MACROD2: variants seen among roughly 807,000 people sequenced by gnomAD.
MACROD2 encodes the protein mono-ADP ribosylhydrolase 2, also known as ADP-ribose glycohydrolase MACROD2.
A neutral mutation model predicts 70.4 loss-of-function variants in MACROD2; 36 were observed. The ratio of observed to expected loss-of-function variants is 0.51; its 90% CI spans 0.39 to 0.68. The LOEUF (loss-of-function observed/expected upper bound fraction) is 0.68, where lower values mean the gene tolerates loss of function less well. Ranked by LOEUF, MACROD2 falls within the 30% of genes least tolerant of loss-of-function variation. The pLI is 0.00. For missense variants in MACROD2, 496 were observed against 538.4 expected (o/e 0.92, Z 0.78); for synonymous variants, 172 against 178.8 (o/e 0.96, Z 0.30).
At chr20:14,126,779 T>C (rs182695851) in intron 3 of MACROD2, among the ~76,000 whole-genome samples, 1 of 152,330 alleles carries the variant, frequency 6.6e-6, no homozygotes, top group African/African-American at 2.4e-5. Flanking sequence ...CCATTGTAAC[T>C]GTTTTGGGGT....
chr20:14,857,135 C>T (rs2073263218), intron 5 of MACROD2, among the ~76,000 whole-genome samples: 1 of 152,182 alleles, frequency 6.6e-6, no homozygotes, highest in African/African-American at 2.4e-5. Flanking sequence ...GCTCCCCAAT[C>T]CCATAAACCG....
chr20:15,507,149 G>T (rs1318133616), intron 8 of MACROD2, among the ~76,000 whole-genome samples: 2 of 152,126 alleles, frequency 1.3e-5, no homozygotes, highest in Non-Finnish European at 2.9e-5. Context: ...TTGCAGATAC[G>T]CTGTGTCGCT....
At chr20:14,714,330 G>C (rs8117889) in intron 5 of MACROD2, among the ~76,000 whole-genome samples, 46,537 of 151,746 alleles carry the variant, frequency 0.31, 7,643 homozygotes, top group African/African-American at 0.4. Flanking sequence ...CCACCCACTG[G>C]CGCTCAGACT....
intron 3 of MACROD2, among the ~76,000 whole-genome samples, chr20:14,207,443 G>A (rs2081534123): frequency 6.6e-6 from 1 of 152,174 alleles, no homozygotes; most frequent in Non-Finnish European, 1.5e-5. Flanking sequence ...TAAAAGGAAA[G>A]TGACATACCA....
intron 6 of MACROD2, among the ~76,000 whole-genome samples, chr20:15,387,033 A>C (rs931276701): frequency 2.6e-5 from 4 of 152,160 alleles, no homozygotes. Flanking sequence ...GTGAGATAAG[A>C]GCAAACCAGC....
intron 5 of MACROD2, among the ~76,000 whole-genome samples, chr20:14,826,272 G>T (rs1373155319): frequency 1.3e-5 from 2 of 150,640 alleles, no homozygotes; most frequent in African/African-American, 2.4e-5. Context: ...CCCATGCATT[G>T]ACTCCCAAGA....
chr20:14,327,080 C>T, intron 3 of MACROD2: 1 of 1,613,736 alleles, frequency 6.2e-7, no homozygotes, highest in Non-Finnish European at 8.5e-7. Context: ...TCTATGCTAA[C>T]TGCAGAGACA....
At chr20:15,185,374 C>T (rs2076528126) in intron 5 of MACROD2, among the ~76,000 whole-genome samples, 1 of 152,066 alleles carries the variant, frequency 6.6e-6, no homozygotes, top group Non-Finnish European at 1.5e-5. Context: ...TCTATGATTT[C>T]CAAATAGATT....
At chr20:15,094,381 C>G (rs1315884543) in intron 5 of MACROD2, among the ~76,000 whole-genome samples, 3 of 152,106 alleles carry the variant, frequency 2.0e-5, no homozygotes, top group Non-Finnish European at 2.9e-5. Flanking sequence ...TTTCCAGCAG[C>G]AGTCTCTCAG....
chr20:15,016,810 A>G (rs2075125190), intron 5 of MACROD2, among the ~76,000 whole-genome samples: 1 of 152,140 alleles, frequency 6.6e-6, no homozygotes, highest in Non-Finnish European at 1.5e-5. Flanking sequence ...AAAAGTGGAA[A>G]TCCCTGATAA....
At chr20:15,328,411 G>C (rs2077955551) in intron 6 of MACROD2, among the ~76,000 whole-genome samples, 1 of 152,092 alleles carries the variant, frequency 6.6e-6, no homozygotes, top group Non-Finnish European at 1.5e-5. Flanking sequence ...TTCAGCAGAG[G>C]AGAAAAACAC....
At chr20:15,320,946 G>T (rs1296826938) in intron 6 of MACROD2, among the ~76,000 whole-genome samples, 1 of 152,052 alleles carries the variant, frequency 6.6e-6, no homozygotes, top group Non-Finnish European at 1.5e-5. Context: ...AGAAGAAAAA[G>T]ATTTGGGTGA....
At chr20:14,305,782 C>CT (rs1158485142) in intron 3 of MACROD2, among the ~76,000 whole-genome samples, 2 of 151,968 alleles carry the variant, frequency 1.3e-5, no homozygotes, top group African/African-American at 2.4e-5. Flanking sequence ...GCCCATGTAT[C>CT]TTTTTTCGTA....
At chr20:14,325,639 T>C in intron 3 of MACROD2, 7 of 1,613,782 alleles carry the variant, frequency 4.3e-6, no homozygotes, top group Non-Finnish European at 5.9e-6. Flanking sequence ...ATTGTTTTTG[T>C]ACAGATTCAT....
At chr20:14,278,877 T>C (rs1214579147) in intron 3 of MACROD2, among the ~76,000 whole-genome samples, 2 of 151,416 alleles carry the variant, frequency 1.3e-5, no homozygotes, top group East Asian at 3.9e-4. Flanking sequence ...GTTACTTAAG[T>C]AAGAGTTACA....
At chr20:15,883,030 T>TAAA (rs11480149) in intron 9 of MACROD2, among the ~76,000 whole-genome samples, 9 of 145,824 alleles carry the variant, frequency 6.2e-5, no homozygotes, top group East Asian at 3.9e-4. Flanking sequence ...ACAAGATTCT[T>TAAA]AAAAAAAAAA....
intron 8 of MACROD2, among the ~76,000 whole-genome samples, chr20:15,686,351 G>T (rs6043442): frequency 0.31 from 47,740 of 151,996 alleles, 9,639 homozygotes; most frequent in African/African-American, 0.58. Flanking sequence ...AAAAACACTT[G>T]GAGAGTTGTA....
chr20:14,131,975 CA>C (rs562780166), intron 3 of MACROD2, among the ~76,000 whole-genome samples: 66 of 151,846 alleles, frequency 4.3e-4, no homozygotes, highest in African/African-American at 1.4e-3. Context: ...ACTAAAAATA[CA>C]AAAAATTAGC....
chr20:15,970,858 A>G (rs1202356617), intron 13 of MACROD2, among the ~76,000 whole-genome samples: 1 of 152,044 alleles, frequency 6.6e-6, no homozygotes, highest in East Asian at 1.9e-4. Flanking sequence ...TTCATAAAGA[A>G]CTCTGAAGGT....
Sources: allele counts gnomAD v4.1 joint callset (sites outside exome capture counted in the v4.1 genomes callset), GRCh38; gene constraint gnomAD v4.1.1; transcripts MANE v1.5; gene names NCBI Gene and HGNC (gene_info 2026-07-23, HGNC 2026-07-21).